CACNA2D3: variants seen among roughly 807,000 people sequenced by gnomAD.
CACNA2D3 encodes calcium voltage-gated channel auxiliary subunit alpha2delta 3.
CACNA2D3 carries 60 observed loss-of-function variants against 160.6 expected under a neutral mutation model. The observed-to-expected ratio is 0.37, with a 90% confidence interval of 0.30 to 0.46. CACNA2D3 has a LOEUF of 0.46. CACNA2D3 is among the 20% of genes least tolerant of loss of function. CACNA2D3 has a pLI of 1.00. For synonymous variants in CACNA2D3, 558 were observed against 492.9 expected (o/e 1.13, Z -1.75); for missense variants, 1,205 against 1,365.0 (o/e 0.88, Z 1.85).
At chr3:55,056,175 T>C (rs921050422) in intron 35 of CACNA2D3, among the ~76,000 whole-genome samples, 1 of 152,064 alleles carries the variant, frequency 6.6e-6, no homozygotes, top group Non-Finnish European at 1.5e-5. Flanking sequence ...AATGAAGACA[T>C]AGAAATGGCC....
intron 26 of CACNA2D3, 137 bp from the exon 27 acceptor site, chr3:54,899,651 C>A: frequency 1.5e-6 from 1 of 647,872 alleles, no homozygotes. Context: ...GCATCCACAC[C>A]TCAGAGGACT....
intron 27 of CACNA2D3, among the ~76,000 whole-genome samples, chr3:54,956,317 C>A (rs2107031722): frequency 6.6e-6 from 1 of 152,274 alleles, no homozygotes; most frequent in South Asian, 2.1e-4. Context: ...TTTCCATGTA[C>A]AATGAATTGG....
chr3:54,429,863 G>T (rs9882553), intron 4 of CACNA2D3, among the ~76,000 whole-genome samples: 38,010 of 151,882 alleles, frequency 0.25, 4,812 homozygotes, highest in Admixed American at 0.32. Flanking sequence ...TTATACTGCA[G>T]AAAATTTAAC....
intron 1 of CACNA2D3, 102 bp downstream of exon 1, chr3:54,122,937 C>T (rs1052401798): frequency 1.8e-6 from 2 of 1,082,806 alleles, no homozygotes; most frequent in South Asian, 4.6e-5. Flanking sequence ...CAGGACCCGC[C>T]GCGGGCGTCG....
At chr3:54,848,837 T>A (rs1010507948) in intron 17 of CACNA2D3, among the ~76,000 whole-genome samples, 1 of 152,186 alleles carries the variant, frequency 6.6e-6, no homozygotes, top group Admixed American at 6.5e-5. Flanking sequence ...ATAACCATAG[T>A]GCATAGATCG....
chr3:54,574,542 A>C (rs1393613162), intron 8 of CACNA2D3, among the ~76,000 whole-genome samples: 1 of 152,226 alleles, frequency 6.6e-6, no homozygotes, highest in Non-Finnish European at 1.5e-5. Context: ...TTGAATTATG[A>C]AAGAATAGTT....
chr3:54,672,092 T>C (rs958431089), intron 11 of CACNA2D3, among the ~76,000 whole-genome samples: 1 of 152,200 alleles, frequency 6.6e-6, no homozygotes, highest in African/African-American at 2.4e-5. Context: ...AGATTTTTGC[T>C]CTGGGGTTGA....
intron 11 of CACNA2D3, among the ~76,000 whole-genome samples, chr3:54,654,468 T>A (rs1287820316): frequency 2.0e-5 from 3 of 151,990 alleles, no homozygotes; most frequent in African/African-American, 7.3e-5. Flanking sequence ...CTAGTATTGA[T>A]GAGATGAAAG....
At chr3:54,886,798 T>C (rs1208998333) in intron 23 of CACNA2D3, among the ~76,000 whole-genome samples, 11 of 151,928 alleles carry the variant, frequency 7.2e-5, no homozygotes, top group Non-Finnish European at 1.6e-4. Flanking sequence ...TTTCACCCAT[T>C]ATATTTTTGA....
chr3:54,487,129 G>T (rs1410774921), intron 4 of CACNA2D3, among the ~76,000 whole-genome samples: 1 of 152,178 alleles, frequency 6.6e-6, no homozygotes, highest in Non-Finnish European at 1.5e-5. Flanking sequence ...CACTTTGAGA[G>T]GCCAAGGTGG....
At chr3:54,961,184 A>G (rs183787965) in intron 27 of CACNA2D3, among the ~76,000 whole-genome samples, 1 of 152,366 alleles carries the variant, frequency 6.6e-6, no homozygotes, top group East Asian at 1.9e-4. Context: ...CACTGCTAGC[A>G]ATCTTTGCCA....
At chr3:54,589,233 A>G (rs763282290) in intron 9 of CACNA2D3, among the ~76,000 whole-genome samples, 2 of 152,116 alleles carry the variant, frequency 1.3e-5, no homozygotes, top group Non-Finnish European at 2.9e-5. Context: ...CATACACCCA[A>G]CTGATTTTAG....
At chr3:54,499,266 G>C (rs905245397) in intron 4 of CACNA2D3, among the ~76,000 whole-genome samples, 1 of 152,092 alleles carries the variant, frequency 6.6e-6, no homozygotes, top group Non-Finnish European at 1.5e-5. Context: ...TTGGAAGGTT[G>C]CACCTGGATT....
At chr3:54,458,541 T>TC (rs966574199) in intron 4 of CACNA2D3, among the ~76,000 whole-genome samples, 31 of 151,922 alleles carry the variant, frequency 2.0e-4, no homozygotes, top group Non-Finnish European at 5.9e-5. Context: ...CTACTGATAG[T>TC]CTAGTAAGGG....
intron 11 of CACNA2D3, among the ~76,000 whole-genome samples, chr3:54,669,979 T>G (rs561380138): frequency 6.6e-5 from 10 of 152,230 alleles, no homozygotes; most frequent in African/African-American, 2.4e-4. Context: ...AAATGCAAAA[T>G]GTGTTTTCCA....
intron 4 of CACNA2D3, among the ~76,000 whole-genome samples, chr3:54,450,862 C>T (rs1700294104): frequency 6.6e-6 from 1 of 152,152 alleles, no homozygotes; most frequent in Non-Finnish European, 1.5e-5. Context: ...CAGGGAGACT[C>T]AGGGTGTGGT....
At chr3:54,486,179 G>A (rs555426124) in intron 4 of CACNA2D3, among the ~76,000 whole-genome samples, 2 of 152,326 alleles carry the variant, frequency 1.3e-5, no homozygotes, top group South Asian at 2.1e-4. Context: ...AGAAAGGAGA[G>A]GTGAGAGAAC....
intron 17 of CACNA2D3, among the ~76,000 whole-genome samples, chr3:54,867,046 C>T (rs375020719): frequency 1.3e-5 from 2 of 152,112 alleles, no homozygotes; most frequent in African/African-American, 4.8e-5. Context: ...CTTTGGAAAC[C>T]GTTTGCAATT....
chr3:54,928,863 G>A (rs368030014), intron 27 of CACNA2D3, among the ~76,000 whole-genome samples: 2 of 152,100 alleles, frequency 1.3e-5, no homozygotes, highest in Admixed American at 6.5e-5. Flanking sequence ...AGCATCAGGC[G>A]TCAGTCGACT....
Sources: gnomAD v4.1 joint callset for allele counts (sites outside exome capture counted in the v4.1 genomes callset) on GRCh38, gnomAD v4.1.1 for gene constraint, MANE v1.5 for transcripts, NCBI Gene and HGNC (gene_info 2026-07-23, HGNC 2026-07-21) for gene names.